CNTN5: variants seen among roughly 807,000 people sequenced by gnomAD.
CNTN5 encodes the protein contactin-5.
CNTN5 carries 77 observed loss-of-function variants against 129.1 expected under a neutral mutation model. The observed-to-expected ratio is 0.60, with a 90% confidence interval of 0.50 to 0.72. The LOEUF (loss-of-function observed/expected upper bound fraction) is 0.72. Ranked by LOEUF, CNTN5 falls within the 30% of genes least tolerant of loss-of-function variation. CNTN5 has a pLI of 0.00. For synonymous variants in CNTN5, 509 were observed against 465.6 expected, an observed-to-expected ratio of 1.09 and a Z score of -1.20; for missense variants, 1,478 against 1,328.8, an observed-to-expected ratio of 1.11 and a Z score of -1.75.
At chr11:99,493,882 A>C (rs1206916570) in intron 2 of CNTN5, among the ~76,000 whole-genome samples, 2 of 98,090 alleles carry the variant, frequency 2.0e-5, no homozygotes, top group Non-Finnish European at 2.6e-5. Flanking sequence ...AAGATTTACT[A>C]AAGGTAGTAA....
chr11:100,044,399 A>G (rs192870248), intron 9 of CNTN5, among the ~76,000 whole-genome samples: 80 of 152,204 alleles, frequency 5.3e-4, no homozygotes, highest in Non-Finnish European at 4.6e-4. Context: ...GTTATTTGAG[A>G]AAACTCCAAA....
intron 1 of CNTN5, among the ~76,000 whole-genome samples, chr11:99,257,315 C>T (rs1171815124): frequency 6.6e-6 from 1 of 152,118 alleles, no homozygotes; most frequent in Non-Finnish European, 1.5e-5. Flanking sequence ...TGAACTGTCA[C>T]AAGCTAAGAG....
At chr11:99,839,143 A>G (rs1281455434) in intron 4 of CNTN5, among the ~76,000 whole-genome samples, 2 of 152,140 alleles carry the variant, frequency 1.3e-5, no homozygotes, top group Non-Finnish European at 2.9e-5. Context: ...GGAGGCATGA[A>G]AAGGTTACTT....
At chr11:100,060,503 T>C (rs1244498200) in intron 9 of CNTN5, among the ~76,000 whole-genome samples, 1 of 152,114 alleles carries the variant, frequency 6.6e-6, no homozygotes, top group African/African-American at 2.4e-5. Flanking sequence ...AAATAAGATT[T>C]GCAGTGTTGG....
At chr11:99,777,877 A>C (rs1254219695) in intron 3 of CNTN5, among the ~76,000 whole-genome samples, 1 of 151,906 alleles carries the variant, frequency 6.6e-6, no homozygotes, top group Non-Finnish European at 1.5e-5. Context: ...GTTGTTATAC[A>C]GATTATATAT....
chr11:99,701,252 G>A (rs1451448189), intron 3 of CNTN5, among the ~76,000 whole-genome samples: 1 of 151,188 alleles, frequency 6.6e-6, no homozygotes, highest in Non-Finnish European at 1.5e-5. Flanking sequence ...AGGGACTAGA[G>A]TAAAGTGTAA....
chr11:99,856,892 TTTATGATA>T (rs1362705694), intron 6 of CNTN5, among the ~76,000 whole-genome samples: 2 of 152,200 alleles, frequency 1.3e-5, no homozygotes, highest in Non-Finnish European at 2.9e-5. Flanking sequence ...TTCATGCTCA[TTTATGATA>T]TCATGTCTTT....
chr11:99,482,713 T>C (rs1469066531), intron 2 of CNTN5, among the ~76,000 whole-genome samples: 1 of 152,132 alleles, frequency 6.6e-6, no homozygotes, highest in African/African-American at 2.4e-5. Flanking sequence ...GGAGAAAACC[T>C]AGAAGAACTT....
At chr11:99,158,348 A>T (rs1471190989) in intron 1 of CNTN5, among the ~76,000 whole-genome samples, 1 of 152,168 alleles carries the variant, frequency 6.6e-6, no homozygotes, top group Non-Finnish European at 1.5e-5. Context: ...TGTCTTGGAT[A>T]TTCACAGCTC....
rs35851910 is a variant in CNTN5 at position 100,144,735 on chromosome 11, A to ATT, written c.1581-46379_1581-46378dup. Among the ~76,000 whole-genome samples, 968 of 148,714 alleles carry ATT rather than the reference A, an allele frequency of 6.5e-3. 6 individuals are homozygous for ATT. The highest frequency in any genetic ancestry group is 0.013 in the South Asian group (62 of 4,730). ...TTTCTTCAGCCTATTGGAGTGAGGAATTTTTTTTTTTTTGAGACTGAGTCT... is the reference window on the plus strand; with the variant it reads ...TTTCTTCAGCCTATTGGAGTGAGGAATTTTTTTTTTTTTTTGAGACTGAGTCT... On this transcript the variant is annotated intron_variant, in intron 13 of 24. Coordinates refer to ENST00000524871, the MANE Select transcript of CNTN5 (RefSeq NM_014361.4).
At chr11:99,973,218 AAACGT>A (rs1435973866) in intron 8 of CNTN5, among the ~76,000 whole-genome samples, 1 of 152,144 alleles carries the variant, frequency 6.6e-6, no homozygotes, top group Non-Finnish European at 1.5e-5. Context: ...TCAGATTATG[AAACGT>A]CTGACATTTT....
intron 3 of CNTN5, among the ~76,000 whole-genome samples, chr11:99,806,862 A>C (rs999466189): frequency 4.9e-5 from 6 of 122,632 alleles, no homozygotes; most frequent in Non-Finnish European, 8.3e-5. Flanking sequence ...ATACATAAAT[A>C]AATCAATCAT....
chr11:100,011,125 G>C (rs749730614), intron 9 of CNTN5, among the ~76,000 whole-genome samples: 7 of 152,058 alleles, frequency 4.6e-5, no homozygotes, highest in Non-Finnish European at 1.0e-4. Flanking sequence ...CTTTGGTTTG[G>C]CCAGACAGAT....
chr11:99,197,200 G>C (rs1858946928), intron 1 of CNTN5, among the ~76,000 whole-genome samples: 1 of 151,772 alleles, frequency 6.6e-6, no homozygotes, highest in Non-Finnish European at 1.5e-5. Flanking sequence ...TAATATGTTA[G>C]ATACAACATA....
rs1163305917 is a variant in CNTN5, at chr11:100,190,979, AT to A, written c.1581-144del. On this transcript the variant is annotated intron_variant, in intron 13 of 24. Coordinates refer to ENST00000524871, the MANE Select transcript of CNTN5 (RefSeq NM_014361.4). Reference sequence around the variant, plus strand: ...TATTATACTTCTTGAAGGGTAAAATATTTCTACTATCACTGCATATTTTCAC... The same window carrying A: ...TATTATACTTCTTGAAGGGTAAAATATTCTACTATCACTGCATATTTTCAC... The A allele has an allele frequency of 8.4e-6, 4 of 473,756 alleles. No individual in the cohort carries two copies. In the Admixed American group the frequency reaches 1.6e-4, roughly 19 times the overall value. The allele number at this position is 473,756 out of a possible 1,614,324, so 29.3% of individuals were successfully genotyped here.
chr11:99,107,731 A>G (rs1406711063), intron 1 of CNTN5, among the ~76,000 whole-genome samples: 3 of 151,932 alleles, frequency 2.0e-5, no homozygotes, highest in Admixed American at 2.0e-4. Context: ...GGAGATTGAG[A>G]CCATCCTAGC....
intron 19 of CNTN5, among the ~76,000 whole-genome samples, chr11:100,298,423 A>G (rs1352862311): frequency 6.6e-6 from 1 of 151,438 alleles, no homozygotes; most frequent in Non-Finnish European, 1.5e-5. Context: ...CTTTCCATGT[A>G]AGCTTTAATA....
At chr11:100,062,285 C>G (rs1325524966) in intron 10 of CNTN5, among the ~76,000 whole-genome samples, 1 of 152,124 alleles carries the variant, frequency 6.6e-6, no homozygotes, top group East Asian at 1.9e-4. Flanking sequence ...ATGACTGTCC[C>G]TGTATCTCAA....
At chr11:99,571,622 A>T (rs1167876246) in intron 3 of CNTN5, among the ~76,000 whole-genome samples, 1 of 152,180 alleles carries the variant, frequency 6.6e-6, no homozygotes, top group African/African-American at 2.4e-5. Flanking sequence ...CAAGATCTTC[A>T]CTGAATTAAT....
Sources: allele counts gnomAD v4.1 joint callset (sites outside exome capture counted in the v4.1 genomes callset), GRCh38; gene constraint gnomAD v4.1.1; transcripts MANE v1.5; gene names NCBI Gene and HGNC (gene_info 2026-07-23, HGNC 2026-07-21).